The following SLC2A9 variants were observed in gnomAD, a reference collection of about 807,000 sequenced individuals.
SLC2A9 encodes solute carrier family 2, facilitated glucose transporter member 9.
In SLC2A9, 39 loss-of-function variants were observed where a neutral mutation model predicts 50.6. The ratio of observed to expected loss-of-function variants is 0.77; its 90% CI spans 0.60 to 1.01. The LOEUF (loss-of-function observed/expected upper bound fraction) is 1.01. SLC2A9 is among the 50% of genes least tolerant of loss of function. The probability of loss-of-function intolerance (pLI) is 0.00; values close to 1 mark genes in which losing one functional copy is unlikely to be tolerated. For synonymous variants in SLC2A9, 324 were observed against 276.9 expected, an observed-to-expected ratio of 1.17 and a Z score of -1.69; for missense variants, 686 against 677.6, an observed-to-expected ratio of 1.01 and a Z score of -0.14.
intron 8 of SLC2A9, among the ~76,000 whole-genome samples, chr4:9,899,331 C>G (rs929348328): frequency 6.6e-6 from 1 of 152,196 alleles, no homozygotes; most frequent in Non-Finnish European, 1.5e-5. Context: ...TTATCACTGA[C>G]GCAGCTCCCT....
chr4:9,803,181 T>C (rs1721689368), intron 3 of SLC2A9, among the ~76,000 whole-genome samples: 1 of 152,234 alleles, frequency 6.6e-6, no homozygotes, highest in Non-Finnish European at 1.5e-5. Flanking sequence ...TTTTCTCATC[T>C]ATTAAATAAG....
At chr4:9,940,124 G>C (rs1396761986) in intron 6 of SLC2A9, among the ~76,000 whole-genome samples, 2 of 152,174 alleles carry the variant, frequency 1.3e-5, no homozygotes, top group Non-Finnish European at 2.9e-5. Context: ...AGGGGGTGCG[G>C]GTTACCCTCC....
chr4:10,009,178 C>T (rs1761345654), intron 2 of SLC2A9, among the ~76,000 whole-genome samples: 1 of 152,182 alleles, frequency 6.6e-6, no homozygotes, highest in Non-Finnish European at 1.5e-5. Context: ...GACACAGTCT[C>T]TGCTCATCAT....
chr4:9,913,557 T>C (rs1446458936), intron 7 of SLC2A9, among the ~76,000 whole-genome samples: 2 of 152,200 alleles, frequency 1.3e-5, no homozygotes, highest in Non-Finnish European at 2.9e-5. Context: ...AGGGACCTCC[T>C]TTCCCTTCTA....
chr4:9,994,981 A>G (rs887999536), intron 3 of SLC2A9, among the ~76,000 whole-genome samples: 1 of 152,152 alleles, frequency 6.6e-6, no homozygotes, highest in Non-Finnish European at 1.5e-5. Flanking sequence ...TCTGAGTGCC[A>G]GCCTGTTGTC....
At chr4:9,984,922 G>C (rs1403093254) in intron 4 of SLC2A9, among the ~76,000 whole-genome samples, 1 of 152,130 alleles carries the variant, frequency 6.6e-6, no homozygotes, top group Admixed American at 6.5e-5. Context: ...TCTGGCCCCA[G>C]CTCCTCTTTG....
intron 3 of SLC2A9, among the ~76,000 whole-genome samples, chr4:9,813,161 C>T (rs1424364399): frequency 6.6e-6 from 1 of 152,148 alleles, no homozygotes; most frequent in Admixed American, 6.5e-5. Context: ...GACCTATGTT[C>T]AGCCATATAT....
chr4:9,814,620 G>A (rs1723329305), intron 3 of SLC2A9, among the ~76,000 whole-genome samples: 1 of 152,102 alleles, frequency 6.6e-6, no homozygotes. Context: ...TTGACTGGAG[G>A]GTCACTTGGA....
intron 8 of SLC2A9, among the ~76,000 whole-genome samples, chr4:9,901,464 T>C (rs76513726): frequency 0.034 from 5,220 of 152,254 alleles, 297 homozygotes; most frequent in African/African-American, 0.12. Flanking sequence ...GTGACAACGC[T>C]GTTTCTACCC....
At chr4:9,907,905 C>T (rs1740975629) in intron 8 of SLC2A9, among the ~76,000 whole-genome samples, 1 of 152,206 alleles carries the variant, frequency 6.6e-6, no homozygotes, top group Non-Finnish European at 1.5e-5. Flanking sequence ...AAAGGACATG[C>T]TCCTCTAAAG....
chr4:9,854,071 A>G (rs781335906), intron 10 of SLC2A9, among the ~76,000 whole-genome samples: 12 of 152,312 alleles, frequency 7.9e-5, no homozygotes, highest in Admixed American at 2.0e-4. Flanking sequence ...ACAACCTAAC[A>G]TCACACCTAG....
At chr4:9,813,583 A>G (rs1723161664) in intron 3 of SLC2A9, among the ~76,000 whole-genome samples, 1 of 152,256 alleles carries the variant, frequency 6.6e-6, no homozygotes, top group South Asian at 2.1e-4. Flanking sequence ...GAGGTGCCAG[A>G]AAAGTGGAAC....
chr4:10,004,087 T>C (rs573865013), intron 2 of SLC2A9, among the ~76,000 whole-genome samples: 2 of 152,232 alleles, frequency 1.3e-5, no homozygotes, highest in East Asian at 3.9e-4. Flanking sequence ...ACTCTAAGTG[T>C]AGAAAATATA....
intron 6 of SLC2A9, among the ~76,000 whole-genome samples, chr4:9,922,456 A>C (rs1744111870): frequency 6.6e-6 from 1 of 152,178 alleles, no homozygotes; most frequent in African/African-American, 2.4e-5. Context: ...CACATCCTGC[A>C]CATGTATCCT....
chr4:9,801,241 C>T (rs1447832196), intron 3 of SLC2A9, among the ~76,000 whole-genome samples: 2 of 152,132 alleles, frequency 1.3e-5, no homozygotes, highest in African/African-American at 2.4e-5. Flanking sequence ...CTCTCAGCCT[C>T]GCTACCACCT....
chr4:10,037,834 T>G (rs963434548), intron 1 of SLC2A9, among the ~76,000 whole-genome samples: 6 of 151,924 alleles, frequency 3.9e-5, no homozygotes, highest in Non-Finnish European at 7.4e-5. Flanking sequence ...GCCTGTAATC[T>G]CAGCTACTCG....
At chr4:9,899,756 C>T (rs1739247890) in intron 8 of SLC2A9, among the ~76,000 whole-genome samples, 1 of 152,066 alleles carries the variant, frequency 6.6e-6, no homozygotes, top group Non-Finnish European at 1.5e-5. Flanking sequence ...CTAAGTATAA[C>T]AAATTAAAAT....
At chr4:9,986,773 C>G (rs1172535954) in intron 3 of SLC2A9, among the ~76,000 whole-genome samples, 1 of 152,218 alleles carries the variant, frequency 6.6e-6, no homozygotes, top group Non-Finnish European at 1.5e-5. Flanking sequence ...ATTAACAGCT[C>G]TGTGTCAGGA....
At chr4:9,928,956 C>T (rs1011515354) in intron 6 of SLC2A9, among the ~76,000 whole-genome samples, 2 of 152,182 alleles carry the variant, frequency 1.3e-5, no homozygotes, top group Non-Finnish European at 2.9e-5. Context: ...ATTCACTGGC[C>T]TGCATTTTCA....
Sources: allele counts gnomAD v4.1 joint callset (sites outside exome capture counted in the v4.1 genomes callset), GRCh38; gene constraint gnomAD v4.1.1; transcripts MANE v1.5; gene names NCBI Gene and HGNC (gene_info 2026-07-23, HGNC 2026-07-21).